Variants in PLEKHA8 observed in about 807,000 individuals in gnomAD.
PLEKHA8 encodes pleckstrin homology domain-containing family A member 8.
Under a neutral mutation model 68.2 loss-of-function variants are expected in PLEKHA8, and 36 were observed. That is an observed-to-expected ratio of 0.53 (90% CI 0.40 to 0.70). PLEKHA8 has a LOEUF of 0.70. PLEKHA8 is among the 30% of genes least tolerant of loss of function. The pLI is 0.00. For missense variants in PLEKHA8, 505 were observed against 615.4 expected (o/e 0.82, Z 1.90); for synonymous variants, 211 against 216.1 (o/e 0.98, Z 0.20).
chr7:30,082,752 T>G lies in PLEKHA8; in HGVS notation c.*3965T>G, dbSNP rs1465500950. The G allele has an allele frequency of 2.9e-5, 29 of 985,226 alleles. No homozygotes were observed. Among genetic ancestry groups the G allele is most frequent in the Non-Finnish European group, 3.4e-5 (28 of 829,898 alleles). 61.0% of individuals were successfully genotyped at this position (985,226 alleles called of 1,614,324 possible). ...AAAGAGGAGCCAAAGTAAGAGATTT[T>G]TTTTTAAGGAAACTTAATCTGATTG... On this transcript the variant is annotated 3_prime_UTR_variant, in exon 14 of 14. Transcript: ENST00000449726.
chr7:30,034,080 A>G (rs1283849635), intron 1 of PLEKHA8, among the ~76,000 whole-genome samples: 3 of 111,624 alleles, frequency 2.7e-5, no homozygotes, highest in Non-Finnish European at 4.9e-5. Flanking sequence ...GCTGGAGTGC[A>G]GTGGTGTGAT....
Position 30,028,643 on chromosome 7 carries a change from G to A in PLEKHA8, c.-120G>A. 1 of 749,004 alleles carries A rather than the reference G, an allele frequency of 1.3e-6. No individual in the cohort carries two copies. Among genetic ancestry groups the A allele is most frequent in the Non-Finnish European group, 1.8e-6 (1 of 546,592 alleles). 46.4% of individuals were successfully genotyped at this position (749,004 alleles called of 1,614,324 possible). A position where few individuals can be genotyped will look rare whatever the true frequency, so the allele number is the denominator to read the frequency against. ...CCGGGCGTCCCCACACCGGGCCCGG[G>A]CGCCGGGAGTGGGCGTCTGGGCAGC... On this transcript the variant is annotated 5_prime_UTR_variant, in exon 1 of 14. Coordinates refer to ENST00000449726, the MANE Select transcript of PLEKHA8 (RefSeq NM_001197026.2).
rs1491490892 is a variant in PLEKHA8, at chr7:30,115,902, GTA to G, written c.1363-13361_1363-13360del. 1.3e-3 allele frequency: 170 copies of G among 135,942 alleles called. 15 individuals are homozygous for G. The highest frequency in any genetic ancestry group is 4.7e-3 in the African/African-American group (168 of 35,818). 8.4% of individuals were successfully genotyped at this position (135,942 alleles called of 1,614,324 possible). The stretch of plus-strand genomic sequence containing the variant: ...CACGCATACATGCGTATACATGCAT[GTA>G]TACATGCATGCGTGCGTGTACATAC... On this transcript the variant is annotated intron_variant, in intron 13 of 13. Coordinates refer to the PLEKHA8 transcript ENST00000396257.
Position 30,056,716 on chromosome 7 carries a change from G to T in PLEKHA8, c.1039+1374G>T, listed in dbSNP as rs1468641448. Among the ~76,000 whole-genome samples, 7 of 101,114 alleles carry T rather than the reference G, an allele frequency of 6.9e-5. No homozygotes were observed. In the East Asian group the frequency reaches 2.3e-3, roughly 34 times the overall value. The allele number at this position is 101,114 out of a possible 152,430, so 66.3% of individuals were successfully genotyped here. A position where few individuals can be genotyped will look rare whatever the true frequency, so the allele number is the denominator to read the frequency against. ...TGCACTCCAGCCTGGATGACAGACA[G>T]CCTGTCTCAAAAAAAAAAAAAAAAA... On this transcript the variant is annotated intron_variant, in intron 9 of 13. Coordinates refer to ENST00000449726, the MANE Select transcript of PLEKHA8 (RefSeq NM_001197026.2).
chr7:30,108,124 T>C (rs988302401), intron 13 of PLEKHA8, among the ~76,000 whole-genome samples: 2 of 150,856 alleles, frequency 1.3e-5, no homozygotes, highest in Non-Finnish European at 2.9e-5. Flanking sequence ...ATAAGGTTTC[T>C]TCCTTAAACC....
At chr7:30,073,279 T>A (rs921360121) in intron 12 of PLEKHA8, among the ~76,000 whole-genome samples, 2 of 152,156 alleles carry the variant, frequency 1.3e-5, no homozygotes, top group Non-Finnish European at 2.9e-5. Context: ...ATAGGGTCAT[T>A]TAGGACAAAC....
At chr7:30,097,472 C>T (rs920021870) in intron 13 of PLEKHA8, among the ~76,000 whole-genome samples, 8 of 152,186 alleles carry the variant, frequency 5.3e-5, no homozygotes, top group Admixed American at 2.0e-4. Flanking sequence ...ACCAATCAGA[C>T]GTAGATTTGG....
chr7:30,060,914 T>C lies in PLEKHA8; in HGVS notation c.1070T>C (p.Val357Ala). The C allele has an allele frequency of 1.9e-6, 3 of 1,613,644 alleles. No homozygotes were observed. Among genetic ancestry groups the C allele is most frequent in the Non-Finnish European group, 2.5e-6 (3 of 1,179,778 alleles). ...DKLGPTVFAP[V>A]KMDLVGNIKK... is the part of the protein sequence containing the mutation. ...CTTGGCCCTACAGTGTTTGCTCCTG[T>C]TAAGATGGATCTTGTTGGAAATATT... Residue 357 changes from valine (V) to alanine (A), a missense_variant, in exon 10 of 14, where the codon GTT (valine) becomes GCT (alanine). Coordinates refer to ENST00000449726, the MANE Select transcript of PLEKHA8 (RefSeq NM_001197026.2).
At position 30,081,241 on chromosome 7, in the gene PLEKHA8, G is replaced by T. The variant is rs952345059; in HGVS notation, c.*2454G>T. The T allele has an allele frequency of 3.9e-5, 38 of 985,274 alleles. No individual in the cohort carries two copies. Among genetic ancestry groups the T allele is most frequent in the Non-Finnish European group, 4.5e-5 (37 of 829,802 alleles). 61.0% of individuals were successfully genotyped at this position (985,274 alleles called of 1,614,324 possible). A position where few individuals can be genotyped will look rare whatever the true frequency, so the allele number is the denominator to read the frequency against. ...TACCCTTTTTCCACATCTGTAGAAA[G>T]AGGGTAATATTTTTTAATAGGTATT... On this transcript the variant is annotated 3_prime_UTR_variant, in exon 14 of 14. Transcript: ENST00000449726.
chr7:30,055,810 G>A (rs185969807), intron 9 of PLEKHA8, among the ~76,000 whole-genome samples: 10 of 151,940 alleles, frequency 6.6e-5, no homozygotes, highest in East Asian at 1.9e-4. Context: ...GACTATATGC[G>A]CATGCCCGGC....
intron 13 of PLEKHA8, among the ~76,000 whole-genome samples, chr7:30,110,209 A>T: frequency 6.6e-6 from 1 of 152,032 alleles, no homozygotes; most frequent in East Asian, 1.9e-4. Flanking sequence ...CTAGGCAACT[A>T]ATCTTTCTGT....
At chr7:30,056,364 T>G in intron 9 of PLEKHA8, among the ~76,000 whole-genome samples, 1 of 141,830 alleles carries the variant, frequency 7.1e-6, no homozygotes, top group South Asian at 2.2e-4. Flanking sequence ...ATAACACATA[T>G]ATATATAAAT....
At position 30,078,744 on chromosome 7, in the gene PLEKHA8, C is replaced by CAT. The variant is rs868639484; in HGVS notation, c.1517_1518insAT (p.Leu507PhefsTer27). 95 of 1,613,610 alleles carry CAT rather than the reference C, an allele frequency of 5.9e-5. No homozygotes were observed. The highest frequency in any genetic ancestry group is 7.9e-5 in the Non-Finnish European group (93 of 1,179,760). ...GAGAAGCAGCTGGCCATACTGGACA[C>CAT]TTTATATGAGGTCCACGGGCTGGAA... On this transcript the variant is annotated frameshift_variant, in exon 14 of 14. Coordinates refer to ENST00000449726, the MANE Select transcript of PLEKHA8 (RefSeq NM_001197026.2). LOFTEE classifies it high-confidence loss of function.
At chr7:30,050,611 A>T (rs1415980637) in intron 6 of PLEKHA8, 137 bp downstream of exon 6, 1 of 1,199,044 alleles carries the variant, frequency 8.3e-7, no homozygotes, top group African/African-American at 1.5e-5. Flanking sequence ...ACAATATCTG[A>T]CTTTCCTCTT....
chr7:30,038,275 A>G (rs138283996), intron 1 of PLEKHA8, among the ~76,000 whole-genome samples: 23 of 152,338 alleles, frequency 1.5e-4, no homozygotes, highest in Non-Finnish European at 2.4e-4. Context: ...TCACCAAGAT[A>G]GACCATGTTC....
chr7:30,067,053 C>T (rs1197903891), intron 12 of PLEKHA8, among the ~76,000 whole-genome samples: 8 of 152,200 alleles, frequency 5.3e-5, no homozygotes, highest in Non-Finnish European at 8.8e-5. Flanking sequence ...GCAGCACAAG[C>T]GTTAGTCTTA....
chr7:30,050,369 AGAT>A (rs1792308044), intron 5 of PLEKHA8, 62 bp from the exon 6 acceptor site: 2 of 1,510,890 alleles, frequency 1.3e-6, no homozygotes, highest in African/African-American at 2.8e-5. Flanking sequence ...GTATGTAATA[AGAT>A]CATAAATATG....
In PLEKHA8 at chr7:30,049,378, G is replaced by T. The variant is rs769681333; in HGVS notation, c.593G>T (p.Ser198Ile). The T allele has an allele frequency of 1.7e-5, 27 of 1,613,476 alleles. No homozygotes were observed. The East Asian group carries it at 5.8e-4, about 35-fold the overall frequency. ...GSPQLAMLKS[S>I]KMKHPIIPIH... Reference sequence around the variant, plus strand: ...CCTCAGCTGGCCATGCTCAAGTCCAGCAAGGTAAAAGTCCAGCTCAGTTTG... The same window carrying T: ...CCTCAGCTGGCCATGCTCAAGTCCATCAAGGTAAAAGTCCAGCTCAGTTTG... The change falls in exon 5 of 14, where the codon AGC (serine) becomes ATC (isoleucine). Residue 198 changes from serine (S) to isoleucine (I), a missense_variant. Coordinates refer to ENST00000449726, the MANE Select transcript of PLEKHA8 (RefSeq NM_001197026.2).
chr7:30,129,697 C>T (rs1199458581), downstream of PLEKHA8: 1 of 211,602 alleles, frequency 4.7e-6, no homozygotes, highest in East Asian at 1.0e-4. Context: ...CTCACTCTCT[C>T]ACACACTCAC....
Sources: allele counts gnomAD v4.1 joint callset (sites outside exome capture counted in the v4.1 genomes callset), GRCh38; gene constraint gnomAD v4.1.1; transcripts MANE v1.5; gene names NCBI Gene and HGNC (gene_info 2026-07-23, HGNC 2026-07-21).